DNAH14: variants seen among roughly 807,000 people sequenced by gnomAD.
DNAH14 encodes dynein axonemal heavy chain 14.
Under a neutral mutation model 520.9 loss-of-function variants are expected in DNAH14, and 478 were observed. That is an observed-to-expected ratio of 0.92 (90% CI 0.85 to 0.99). The LOEUF is 0.99. Among genes scored for constraint, DNAH14 ranks in the 50% least tolerant of loss-of-function variants. DNAH14 has a pLI of 0.00. For synonymous variants in DNAH14, 1,581 were observed against 1,757.2 expected, an observed-to-expected ratio of 0.90 and a Z score of 2.51; for missense variants, 4,831 against 5,234.5, an observed-to-expected ratio of 0.92 and a Z score of 2.38.
chr1:225,063,281 T>C (rs2148433267), intron 17 of DNAH14, among the ~76,000 whole-genome samples: 1 of 152,316 alleles, frequency 6.6e-6, no homozygotes, highest in Admixed American at 6.5e-5. Flanking sequence ...ATAACCTACC[T>C]ATGCACATCC....
In DNAH14 at chr1:224,967,598, A is replaced by G. The variant is rs767306173; in HGVS notation, c.651+15A>G. On this transcript the variant is annotated intron_variant, in intron 6 of 85. Coordinates refer to ENST00000682510, the MANE Select transcript of DNAH14 (RefSeq NM_001367479.1). ...TTATCTCAAAGGTAATGTTTAATGGATGTTTTAAGCTTTCAGAATTATATT... is the reference window on the plus strand; with the variant it reads ...TTATCTCAAAGGTAATGTTTAATGGGTGTTTTAAGCTTTCAGAATTATATT... 4.4e-6 allele frequency: 7 copies of G among 1,598,226 alleles called. No individual in the cohort carries two copies. The highest frequency in any genetic ancestry group is 1.7e-6 in the Non-Finnish European group (2 of 1,175,202).
intron 36 of DNAH14, among the ~76,000 whole-genome samples, chr1:225,169,330 A>AGAT (rs1317830498): frequency 6.6e-6 from 1 of 152,208 alleles, no homozygotes; most frequent in East Asian, 1.9e-4. Context: ...AGAAGACTTC[A>AGAT]GATGATCAAA....
intron 8 of DNAH14, among the ~76,000 whole-genome samples, chr1:224,999,797 A>G (rs2063632413): frequency 6.6e-6 from 1 of 152,020 alleles, no homozygotes; most frequent in Non-Finnish European, 1.5e-5. Context: ...TGATGTTATA[A>G]TTTTATCAGT....
At position 225,392,272 on chromosome 1, in the gene DNAH14, T is replaced by A; in HGVS notation, c.13331-19T>A. 1 of 1,552,030 alleles carries A rather than the reference T, an allele frequency of 6.4e-7. No homozygotes were observed. The highest frequency in any genetic ancestry group is 8.7e-7 in the Non-Finnish European group (1 of 1,146,948). ...CTGAGACTCACAAGGAACTTGATGG[T>A]GTGTGTTCTTCTCCAAAGCCTTTCT... On this transcript the variant is annotated intron_variant, in intron 83 of 85. Coordinates refer to ENST00000682510, the MANE Select transcript of DNAH14 (RefSeq NM_001367479.1).
In DNAH14 at chr1:224,968,884, A is replaced by G. The variant is rs979888909; in HGVS notation, c.767+10A>G. The G allele has an allele frequency of 3.1e-5, 47 of 1,517,364 alleles. No homozygotes were observed. In the Admixed American group the frequency reaches 9.6e-4, roughly 31 times the overall value. 94.0% of individuals were successfully genotyped at this position (1,517,364 alleles called of 1,614,324 possible). On this transcript the variant is annotated intron_variant, in intron 7 of 85. Coordinates refer to ENST00000682510, the MANE Select transcript of DNAH14 (RefSeq NM_001367479.1). Reference sequence around the variant, plus strand: ...TATTTTCTGATTTCCGGTGAGGTGAAAAAAATGAAACCAATTCTTTGTAGT... The same window carrying G: ...TATTTTCTGATTTCCGGTGAGGTGAGAAAAATGAAACCAATTCTTTGTAGT...
intron 27 of DNAH14, among the ~76,000 whole-genome samples, chr1:225,126,317 G>C (rs772594184): frequency 6.6e-6 from 1 of 152,182 alleles, no homozygotes; most frequent in South Asian, 2.1e-4. Context: ...GGTAGAATTC[G>C]GCTGTGAATC....
intron 74 of DNAH14, among the ~76,000 whole-genome samples, chr1:225,359,742 A>G (rs2095472132): frequency 6.6e-6 from 1 of 152,250 alleles, no homozygotes; most frequent in African/African-American, 2.4e-5. Context: ...TCTAGCCATC[A>G]TATTCACGTT....
In DNAH14 at chr1:225,147,134, C is replaced by G; in HGVS notation, c.4825C>G (p.Gln1609Glu). The G allele has an allele frequency of 1.3e-6, 2 of 1,542,668 alleles. No individual in the cohort carries two copies. Among genetic ancestry groups the G allele is most frequent in the Non-Finnish European group, 1.7e-6 (2 of 1,143,914 alleles). Residue 1609 changes from glutamine (Q) to glutamate (E), a missense_variant, in exon 31 of 86, where the codon CAG becomes GAG. By Grantham distance (29) the Gln-to-Glu change is conservative. Transcript: ENST00000682510. ...GAGAAAATTTTTCTTTGGACTAGTTCAGTCAGGAGCATGGAGTTGTTTTGA... is the reference window on the plus strand; with the variant it reads ...GAGAAAATTTTTCTTTGGACTAGTTGAGTCAGGAGCATGGAGTTGTTTTGA... ...IVRKFFFGLV[Q>E]SGAWSCFDEF...
At chr1:224,986,461 G>A (rs2449258) in intron 8 of DNAH14, among the ~76,000 whole-genome samples, 39,753 of 151,866 alleles carry the variant, frequency 0.26, 8,081 homozygotes, top group African/African-American at 0.56. Flanking sequence ...AATCTATCCC[G>A]GGGATGCAAG....
chr1:225,079,328 T>G lies in DNAH14; in HGVS notation c.2546T>G (p.Leu849Ter). The change falls in exon 18 of 86, where the codon TTA becomes TGA. Residue 849 changes from leucine to a stop codon, truncating the protein, a stop_gained. Coordinates refer to ENST00000682510, the MANE Select transcript of DNAH14 (RefSeq NM_001367479.1). LOFTEE classifies it high-confidence loss of function. Reference protein sequence around the residue: ...SKISKLEKEFLTMSQLYSVAK... With the variant: ...SKISKLEKEF ...ATATCTAAATTAGAAAAAGAGTTCT[T>G]AACAATGTCTCAGCTATATTCTGTT... 6.4e-7 allele frequency: 1 copy of G among 1,550,472 alleles called. No individual in the cohort carries two copies. The highest frequency in any genetic ancestry group is 8.7e-7 in the Non-Finnish European group (1 of 1,146,722).
intron 41 of DNAH14, among the ~76,000 whole-genome samples, chr1:225,229,840 C>A (rs10158477): frequency 0.31 from 47,691 of 151,868 alleles, 8,655 homozygotes; most frequent in East Asian, 0.6. Context: ...GGATGCAGCA[C>A]ACCACCATGG....
intron 78 of DNAH14, among the ~76,000 whole-genome samples, chr1:225,375,796 G>C (rs2406108): frequency 1 from 151,663 of 151,882 alleles, 75,723 homozygotes; most frequent in Middle Eastern, 1. Flanking sequence ...ACAACAACAA[G>C]TGTCTTAAGG....
At chr1:224,942,469 C>T (rs2059488433) in intron 1 of DNAH14, among the ~76,000 whole-genome samples, 1 of 152,138 alleles carries the variant, frequency 6.6e-6, no homozygotes, top group Non-Finnish European at 1.5e-5. Flanking sequence ...ATTTGACTTC[C>T]ACTTTTCCTA....
chr1:225,275,968 T>C lies in DNAH14; in HGVS notation c.8065T>C (p.Leu2689=), dbSNP rs998490697. ...TCACTCAACTGTATTTTTGGACTTC[T>C]TGGATATAAACAAGACTCATAGAAA... ...MNHSTVFLDF[L]DINKTHRKKI... The change falls in exon 53 of 86, where the codon TTG becomes CTG. Residue 2689 remains leucine (L), a synonymous_variant. Transcript: ENST00000682510. 2.5e-6 allele frequency: 1 copy of C among 403,760 alleles called. No individual in the cohort carries two copies. The highest frequency in any genetic ancestry group is 3.5e-5 in the Admixed American group (1 of 28,238). 25.0% of individuals were successfully genotyped at this position (403,760 alleles called of 1,614,324 possible). A position where few individuals can be genotyped will look rare whatever the true frequency, so the allele number is the denominator to read the frequency against.
At chr1:225,122,932 G>A (rs1169519019) in intron 26 of DNAH14, among the ~76,000 whole-genome samples, 1 of 152,142 alleles carries the variant, frequency 6.6e-6, no homozygotes, top group Non-Finnish European at 1.5e-5. Flanking sequence ...GAAATTTAGT[G>A]TTGAGAATTT....
intron 41 of DNAH14, among the ~76,000 whole-genome samples, chr1:225,217,924 T>C (rs760232608): frequency 2.6e-5 from 4 of 152,138 alleles, no homozygotes; most frequent in Non-Finnish European, 5.9e-5. Flanking sequence ...ATGAACCTGG[T>C]ACCTCAGTTG....
chr1:225,377,188 A>G, intron 78 of DNAH14, 49 bp from the exon 79 acceptor site: 1 of 1,353,982 alleles, frequency 7.4e-7, no homozygotes, highest in Middle Eastern at 2.0e-4. Flanking sequence ...CAAAGTGTTC[A>G]GAAGTAGCAG....
intron 7 of DNAH14, among the ~76,000 whole-genome samples, chr1:224,972,142 G>A (rs2061533689): frequency 6.6e-6 from 1 of 150,464 alleles, no homozygotes. Flanking sequence ...CTTTTTACAT[G>A]ACATTTGGCA....
chr1:225,322,911 T>C, intron 62 of DNAH14, 88 bp downstream of exon 62: 13 of 1,266,824 alleles, frequency 1.0e-5, no homozygotes, highest in Non-Finnish European at 1.4e-5. Context: ...GTTCTATTCT[T>C]AGATGGAGAG....
Sources: allele counts gnomAD v4.1 joint callset (sites outside exome capture counted in the v4.1 genomes callset), GRCh38; gene constraint gnomAD v4.1.1; transcripts MANE v1.5; gene names NCBI Gene and HGNC (gene_info 2026-07-23, HGNC 2026-07-21).